Variants in LRP1B observed in about 807,000 individuals in gnomAD.
LRP1B encodes the protein LDL receptor related protein 1B.
LRP1B carries 217 observed loss-of-function variants against 556.6 expected under a neutral mutation model. That is an observed-to-expected ratio of 0.39 (90% CI 0.35 to 0.44). LRP1B has a LOEUF of 0.44. LRP1B is among the 20% of genes least tolerant of loss of function. The pLI is 1.00. For synonymous variants in LRP1B, 2,047 were observed against 1,865.8 expected, an observed-to-expected ratio of 1.10 and a Z score of -2.50; for missense variants, 5,053 against 5,620.8, an observed-to-expected ratio of 0.90 and a Z score of 3.23.
intron 2 of LRP1B, among the ~76,000 whole-genome samples, chr2:141,644,277 T>C (rs1689465359): frequency 1.3e-5 from 2 of 152,002 alleles, no homozygotes; most frequent in African/African-American, 4.8e-5. Context: ...GTCTTCCCAG[T>C]GCTGTTCTTA....
chr2:140,251,201 A>G (rs1289670551), intron 86 of LRP1B, among the ~76,000 whole-genome samples: 1 of 151,894 alleles, frequency 6.6e-6, no homozygotes, highest in African/African-American at 2.4e-5. Flanking sequence ...TAGAATATCA[A>G]AATAAGTTTG....
intron 3 of LRP1B, among the ~76,000 whole-genome samples, chr2:141,423,297 T>C (rs1040613001): frequency 2.6e-4 from 30 of 115,856 alleles, no homozygotes; most frequent in Admixed American, 5.6e-4. Flanking sequence ...GAGCTTTTTT[T>C]TTTTTTTTTT....
At chr2:141,179,489 T>C (rs575631702) in intron 7 of LRP1B, among the ~76,000 whole-genome samples, 1 of 152,130 alleles carries the variant, frequency 6.6e-6, no homozygotes, top group South Asian at 2.1e-4. Context: ...AATAGTTTTG[T>C]TTTTACCAAA....
At chr2:141,465,542 A>AT (rs1682154636) in intron 3 of LRP1B, among the ~76,000 whole-genome samples, 1 of 40,990 alleles carries the variant, frequency 2.4e-5, no homozygotes, top group African/African-American at 5.0e-5. Context: ...GCACAGCATG[A>AT]CTTTTTTTTT....
At chr2:141,049,872 T>C (rs529485441) in intron 10 of LRP1B, among the ~76,000 whole-genome samples, 3 of 152,084 alleles carry the variant, frequency 2.0e-5, no homozygotes, top group African/African-American at 7.2e-5. Context: ...ACAGGCCTTA[T>C]CAAAAACAAA....
rs990779711 is a variant in LRP1B at position 142,090,359 on chromosome 2, T to C, written c.82+40289A>G. 4.1e-4 allele frequency among the ~76,000 whole-genome samples: 63 copies of C among 152,152 alleles called. 1 individual carries two copies. The highest frequency in any genetic ancestry group is 3.8e-3 in the Admixed American group (58 of 15,270). Reference sequence around the variant, plus strand: ...TCTCATAACAACCTTGTAATTTAGCTATTTGCACTGCCATTTTACAGATGA... The same window carrying C: ...TCTCATAACAACCTTGTAATTTAGCCATTTGCACTGCCATTTTACAGATGA... On this transcript the variant is annotated intron_variant, in intron 1 of 90. Coordinates refer to ENST00000389484, the MANE Select transcript of LRP1B (RefSeq NM_018557.3).
intron 46 of LRP1B, among the ~76,000 whole-genome samples, chr2:140,536,311 TAAAAAAAAAA>T (rs70988404): frequency 0.011 from 688 of 61,880 alleles, 16 homozygotes; most frequent in South Asian, 0.024. Context: ...CCCGTCTCTT[TAAAAAAAAAA>T]AAAAAAAAAA....
intron 11 of LRP1B, among the ~76,000 whole-genome samples, chr2:141,047,007 C>T (rs1261247953): frequency 2.4e-4 from 12 of 49,680 alleles, no homozygotes; most frequent in East Asian, 1.0e-3. Context: ...ACTTAAACTT[C>T]GGAGGCGGAG....
rs187125666 is a variant in LRP1B at position 141,318,647 on chromosome 2, C to G, written c.344-64006G>C. 3.7e-3 allele frequency among the ~76,000 whole-genome samples: 566 copies of G among 152,174 alleles called. 2 individuals are homozygous for G. Among genetic ancestry groups the G allele is most frequent in the African/African-American group, 0.012 (507 of 41,518 alleles). On this transcript the variant is annotated intron_variant, in intron 3 of 90. Coordinates refer to ENST00000389484, the MANE Select transcript of LRP1B (RefSeq NM_018557.3). ...AAAGCAAAATGGCTGGAGGGGAAGT[C>G]TGCAGATGAAAATATGAATGTCACT...
chr2:141,575,753 TA>T (rs567305281), intron 2 of LRP1B, among the ~76,000 whole-genome samples: 581 of 135,842 alleles, frequency 4.3e-3, no homozygotes, highest in South Asian at 0.011. Context: ...TATTTACAAT[TA>T]AAAAAAAAAA....
At chr2:140,548,430 T>C (rs1355708839) in intron 43 of LRP1B, among the ~76,000 whole-genome samples, 1 of 152,164 alleles carries the variant, frequency 6.6e-6, no homozygotes, top group Non-Finnish European at 1.5e-5. Flanking sequence ...CACCCAGTGT[T>C]CACATTGTTA....
At chr2:142,018,873 T>C (rs969004484) in intron 1 of LRP1B, among the ~76,000 whole-genome samples, 12 of 145,500 alleles carry the variant, frequency 8.2e-5, no homozygotes, top group Non-Finnish European at 1.8e-4. Context: ...ACTTTCTGGA[T>C]AGATATGTCT....
At chr2:141,368,568 G>A (rs1689123153) in intron 3 of LRP1B, among the ~76,000 whole-genome samples, 1 of 152,182 alleles carries the variant, frequency 6.6e-6, no homozygotes, top group South Asian at 2.1e-4. Context: ...AAATAAGGAA[G>A]AGATTCTAAA....
chr2:141,798,365 G>T (rs1426798506), intron 2 of LRP1B, among the ~76,000 whole-genome samples: 1 of 152,072 alleles, frequency 6.6e-6, no homozygotes, highest in Non-Finnish European at 1.5e-5. Flanking sequence ...TTTAAAACAA[G>T]TAACAAGTAA....
chr2:141,311,628 T>G (rs940530226), intron 3 of LRP1B, among the ~76,000 whole-genome samples: 4 of 152,128 alleles, frequency 2.6e-5, no homozygotes, highest in Non-Finnish European at 4.4e-5. Context: ...TCCCCCATGA[T>G]GGGACTGTTG....
intron 25 of LRP1B, among the ~76,000 whole-genome samples, chr2:140,874,005 T>C (rs1693224285): frequency 6.6e-6 from 1 of 151,968 alleles, no homozygotes; most frequent in South Asian, 2.1e-4. Context: ...GTATAGTAGA[T>C]TTAGTCCTAG....
chr2:142,079,867 C>T (rs990515324), intron 1 of LRP1B, among the ~76,000 whole-genome samples: 2 of 151,984 alleles, frequency 1.3e-5, no homozygotes, highest in Admixed American at 6.6e-5. Flanking sequence ...GCATTTTACA[C>T]AACATAGCTC....
At chr2:140,546,785 T>C (rs368043797) in intron 43 of LRP1B, among the ~76,000 whole-genome samples, 2 of 152,196 alleles carry the variant, frequency 1.3e-5, no homozygotes, top group South Asian at 4.1e-4. Context: ...TTCAGTATGA[T>C]GTTGGCTGTG....
At position 140,532,934 on chromosome 2, in the gene LRP1B, A is replaced by ATCTATATCTATATCTATATCTATATC. The variant is rs1175810472; in HGVS notation, c.7762+1086_7762+1087insGATATAGATATAGATATAGATATAGA. On this transcript the variant is annotated intron_variant, in intron 47 of 90. Transcript: ENST00000389484. The stretch of plus-strand genomic sequence containing the variant: ...CGTGTGCAATCACAGCACAAGATAT[A>ATCTATATCTATATCTATATCTATATC]TATATATATATATACACATATATAT... Among the ~76,000 whole-genome samples, 153 of 111,348 alleles carry ATCTATATCTATATCTATATCTATATC rather than the reference A, an allele frequency of 1.4e-3. 2 individuals are homozygous for ATCTATATCTATATCTATATCTATATC. The highest frequency in any genetic ancestry group is 2.4e-3 in the South Asian group (7 of 2,934). 73.0% of individuals were successfully genotyped at this position (111,348 alleles called of 152,430 possible).
Sources: gnomAD v4.1 joint callset for allele counts (sites outside exome capture counted in the v4.1 genomes callset) on GRCh38, gnomAD v4.1.1 for gene constraint, MANE v1.5 for transcripts, NCBI Gene and HGNC (gene_info 2026-07-23, HGNC 2026-07-21) for gene names.